MTUS2: variants seen among roughly 807,000 people sequenced by gnomAD.
MTUS2 encodes the protein microtubule associated scaffold protein 2.
A neutral mutation model predicts 114.1 loss-of-function variants in MTUS2; 40 were observed. That is an observed-to-expected ratio of 0.35 (90% CI 0.27 to 0.46). MTUS2 has a LOEUF of 0.46. Among genes scored for constraint, MTUS2 ranks in the 20% least tolerant of loss-of-function variants. The probability of loss-of-function intolerance (pLI) is 1.00; values close to 1 mark genes in which losing one functional copy is unlikely to be tolerated. For synonymous variants in MTUS2, 688 were observed against 672.0 expected, an observed-to-expected ratio of 1.02 and a Z score of -0.37; for missense variants, 1,679 against 1,705.4, an observed-to-expected ratio of 0.98 and a Z score of 0.27.
intron 5 of MTUS2, among the ~76,000 whole-genome samples, chr13:29,173,374 T>A (rs1169735854): frequency 6.6e-6 from 1 of 152,162 alleles, no homozygotes; most frequent in Non-Finnish European, 1.5e-5. Flanking sequence ...TGTTTTCTCT[T>A]TAGGTCTAAA....
intron 4 of MTUS2, among the ~76,000 whole-genome samples, chr13:29,099,976 CTT>C (rs1890339478): frequency 6.6e-6 from 1 of 152,186 alleles, no homozygotes; most frequent in African/African-American, 2.4e-5. Context: ...AACAAGCTGA[CTT>C]TGCACATATC....
chr13:29,155,254 C>T (rs1278081158), intron 5 of MTUS2, among the ~76,000 whole-genome samples: 1 of 152,206 alleles, frequency 6.6e-6, no homozygotes, highest in Non-Finnish European at 1.5e-5. Flanking sequence ...GTTTTTGTAA[C>T]ACCCCAATGG....
intron 2 of MTUS2, among the ~76,000 whole-genome samples, chr13:28,919,969 T>C (rs1390127897): frequency 6.6e-6 from 1 of 152,242 alleles, no homozygotes; most frequent in East Asian, 1.9e-4. Flanking sequence ...CTGAATTCCT[T>C]CTCTGTGTTA....
At chr13:29,339,143 G>A (rs902675625) in intron 7 of MTUS2, among the ~76,000 whole-genome samples, 1 of 152,012 alleles carries the variant, frequency 6.6e-6, no homozygotes, top group African/African-American at 2.4e-5. Flanking sequence ...GTGTAGGAAG[G>A]CCCAATACAG....
At chr13:29,289,490 T>A (rs1898620745) in intron 6 of MTUS2, among the ~76,000 whole-genome samples, 1 of 134,536 alleles carries the variant, frequency 7.4e-6, no homozygotes, top group African/African-American at 2.9e-5. Context: ...TGAGACGGAG[T>A]CTCGCTCTGT....
chr13:29,438,129 C>T (rs938130388), intron 8 of MTUS2, among the ~76,000 whole-genome samples: 14 of 152,162 alleles, frequency 9.2e-5, no homozygotes, highest in African/African-American at 3.4e-4. Flanking sequence ...CTAACTACAT[C>T]ACATACATTA....
At chr13:29,235,560 C>G (rs547287280) in intron 5 of MTUS2, among the ~76,000 whole-genome samples, 1 of 152,236 alleles carries the variant, frequency 6.6e-6, no homozygotes, top group South Asian at 2.1e-4. Context: ...TCAGTTGAAA[C>G]TATTAAACGT....
At chr13:29,254,269 G>A (rs1897223398) in intron 5 of MTUS2, among the ~76,000 whole-genome samples, 1 of 152,216 alleles carries the variant, frequency 6.6e-6, no homozygotes, top group Non-Finnish European at 1.5e-5. Flanking sequence ...CACAGAGGAT[G>A]TTCTTTTTAA....
At chr13:29,282,772 G>A (rs573735808) in intron 6 of MTUS2, among the ~76,000 whole-genome samples, 1 of 152,082 alleles carries the variant, frequency 6.6e-6, no homozygotes, top group Non-Finnish European at 1.5e-5. Flanking sequence ...GTAAACATAC[G>A]GGTTTTATAG....
intron 5 of MTUS2, among the ~76,000 whole-genome samples, chr13:29,256,264 G>A (rs981967615): frequency 2.6e-5 from 4 of 152,236 alleles, no homozygotes; most frequent in Admixed American, 6.5e-5. Context: ...GCCCAGTGTG[G>A]GCTGTCTGTG....
intron 5 of MTUS2, among the ~76,000 whole-genome samples, chr13:29,238,108 ATTCCCATG>A (rs1896603024): frequency 6.6e-6 from 1 of 152,210 alleles, no homozygotes; most frequent in African/African-American, 2.4e-5. Flanking sequence ...GGATCTCTGC[ATTCCCATG>A]TTCATCACAG....
intron 4 of MTUS2, among the ~76,000 whole-genome samples, chr13:29,095,473 T>C (rs1890138836): frequency 6.6e-6 from 1 of 152,164 alleles, no homozygotes; most frequent in African/African-American, 2.4e-5. Context: ...TGTATCTAGG[T>C]GTGGATCTCT....
At chr13:29,328,630 T>A (rs1332990413) in intron 7 of MTUS2, among the ~76,000 whole-genome samples, 1 of 152,184 alleles carries the variant, frequency 6.6e-6, no homozygotes, top group Non-Finnish European at 1.5e-5. Flanking sequence ...TCAGAGAGAA[T>A]AGATGGAAAA....
At chr13:29,364,059 A>C (rs956871267) in intron 8 of MTUS2, among the ~76,000 whole-genome samples, 2 of 152,208 alleles carry the variant, frequency 1.3e-5, no homozygotes, top group African/African-American at 4.8e-5. Context: ...CCACTATATT[A>C]TGATGCTACT....
At chr13:28,894,896 G>T (rs540529663) in intron 2 of MTUS2, among the ~76,000 whole-genome samples, 1 of 152,186 alleles carries the variant, frequency 6.6e-6, no homozygotes, top group Non-Finnish European at 1.5e-5. Flanking sequence ...GTTCTTGGAT[G>T]TATAGTCAGA....
At chr13:29,028,196 CAA>C (rs1387232381) in intron 3 of MTUS2, among the ~76,000 whole-genome samples, 1 of 152,108 alleles carries the variant, frequency 6.6e-6, no homozygotes, top group South Asian at 2.1e-4. Context: ...ACTAAAAATA[CAA>C]AAACTAGCTG....
intron 2 of MTUS2, among the ~76,000 whole-genome samples, chr13:28,881,610 C>G (rs541838087): frequency 3.2e-4 from 49 of 152,260 alleles, no homozygotes; most frequent in African/African-American, 1.2e-3. Context: ...TATGAGCATT[C>G]CCTTTTCTCT....
At chr13:28,898,041 A>C (rs1879392221) in intron 2 of MTUS2, among the ~76,000 whole-genome samples, 1 of 152,120 alleles carries the variant, frequency 6.6e-6, no homozygotes, top group Non-Finnish European at 1.5e-5. Context: ...CCTAAAACTT[A>C]AAGTATAAAA....
intron 8 of MTUS2, among the ~76,000 whole-genome samples, chr13:29,424,905 A>T (rs1876394981): frequency 6.6e-6 from 1 of 152,184 alleles, no homozygotes; most frequent in Non-Finnish European, 1.5e-5. Context: ...TAATACATAG[A>T]CCTAGTTTGG....
Sources: gnomAD v4.1 joint callset for allele counts (sites outside exome capture counted in the v4.1 genomes callset) on GRCh38, gnomAD v4.1.1 for gene constraint, MANE v1.5 for transcripts, NCBI Gene and HGNC (gene_info 2026-07-23, HGNC 2026-07-21) for gene names.